Variants in B3GAT2 observed in about 807,000 individuals in gnomAD.
B3GAT2 encodes the protein galactosylgalactosylxylosylprotein 3-beta-glucuronosyltransferase 2.
Under a neutral mutation model 27.8 loss-of-function variants are expected in B3GAT2, and 26 were observed. The observed-to-expected ratio is 0.93, with a 90% CI of 0.68 to 1.30. The LOEUF (loss-of-function observed/expected upper bound fraction) is 1.30. Ranked by LOEUF, B3GAT2 falls within the 50% of genes most tolerant of loss-of-function variation. B3GAT2 has a pLI of 0.00. For missense variants in B3GAT2, 458 were observed against 459.0 expected (o/e 1.00, Z 0.02); for synonymous variants, 218 against 195.1 (o/e 1.12, Z -0.98).
At chr6:70,919,502 C>T (rs1443447558) in intron 1 of B3GAT2, among the ~76,000 whole-genome samples, 2 of 152,118 alleles carry the variant, frequency 1.3e-5, no homozygotes, top group Non-Finnish European at 2.9e-5. Flanking sequence ...GAATTTTCAG[C>T]CTTTCTTCTC....
chr6:70,874,952 T>C (rs942286132), intron 2 of B3GAT2, among the ~76,000 whole-genome samples: 24 of 151,740 alleles, frequency 1.6e-4, no homozygotes, highest in African/African-American at 5.8e-4. Context: ...GGGATGGAAA[T>C]AGGGCAAATT....
At chr6:70,913,487 T>G (rs1430542407) in intron 1 of B3GAT2, among the ~76,000 whole-genome samples, 1 of 152,218 alleles carries the variant, frequency 6.6e-6, no homozygotes, top group African/African-American at 2.4e-5. Flanking sequence ...AGCAGGTTGT[T>G]TGATTTGCAT....
Position 70,859,230 on chromosome 6 carries a change from C to CTAAG in B3GAT2, c.*2429_*2432dup, listed in dbSNP as rs1351384262. 1.3e-5 allele frequency: 10 copies of CTAAG among 748,220 alleles called. No homozygotes were observed. In the Admixed American group the frequency reaches 1.5e-4, roughly 11 times the overall value. The allele number at this position is 748,220 out of a possible 1,614,324, so 46.3% of individuals were successfully genotyped here. The stretch of plus-strand genomic sequence containing the variant: ...CTGGGAATCTAAAAAATTGTATGTG[C>CTAAG]TAAGTGTCAGTCACATGGTCAACAT... On this transcript the variant is annotated 3_prime_UTR_variant, in exon 4 of 4. Transcript: ENST00000230053.
intron 1 of B3GAT2, among the ~76,000 whole-genome samples, chr6:70,948,867 G>C (rs1030400631): frequency 1.3e-5 from 2 of 151,928 alleles, no homozygotes; most frequent in African/African-American, 4.8e-5. Flanking sequence ...CAGAGATATA[G>C]ATCAATGGAA....
intron 2 of B3GAT2, among the ~76,000 whole-genome samples, chr6:70,877,810 GT>G (rs1407742078): frequency 6.6e-6 from 1 of 152,172 alleles, no homozygotes; most frequent in Non-Finnish European, 1.5e-5. Flanking sequence ...TTCAGCTTGT[GT>G]TTCCATAAGC....
chr6:70,945,132 G>A (rs1351467479), intron 1 of B3GAT2, among the ~76,000 whole-genome samples: 3 of 152,098 alleles, frequency 2.0e-5, no homozygotes, highest in South Asian at 2.1e-4. Context: ...AAAAAACAGA[G>A]CAGAAAAACT....
At position 70,859,365 on chromosome 6, in the gene B3GAT2, A is replaced by C; in HGVS notation, c.*2298T>G. 1.9e-6 allele frequency: 3 copies of C among 1,549,580 alleles called. No individual in the cohort carries two copies. Among genetic ancestry groups the C allele is most frequent in the African/African-American group, 2.7e-5 (2 of 73,142 alleles). On this transcript the variant is annotated 3_prime_UTR_variant, in exon 4 of 4. Coordinates refer to ENST00000230053, the MANE Select transcript of B3GAT2 (RefSeq NM_080742.3). Reference sequence around the variant, plus strand: ...GGGTGATGCTGTTCTCCAGCACTCCATCAGTGCAATCTACTGGCCAATGAC... The same window carrying C: ...GGGTGATGCTGTTCTCCAGCACTCCCTCAGTGCAATCTACTGGCCAATGAC...
intron 1 of B3GAT2, among the ~76,000 whole-genome samples, chr6:70,906,464 C>A (rs1772604815): frequency 1.3e-5 from 2 of 151,818 alleles, no homozygotes; most frequent in Non-Finnish European, 2.9e-5. Context: ...CTCAGCCTCC[C>A]AGCTAGCTGG....
chr6:70,955,912 T>TGCTGGTGCCTCTGGC lies in B3GAT2; in HGVS notation c.503_517dup (p.Arg168_Gln172dup). ...GAGCACGCCGGGCTGCGCGCGCTGG[T>TGCTGGTGCCTCTGGC]GCTGGTGCCTCTGGCGCAGCCAGGC... On this transcript the variant is annotated inframe_insertion, in exon 1 of 4. Coordinates refer to ENST00000230053, the MANE Select transcript of B3GAT2 (RefSeq NM_080742.3). The TGCTGGTGCCTCTGGC allele has an allele frequency of 6.2e-7, 1 of 1,600,990 alleles. No individual in the cohort carries two copies. The highest frequency in any genetic ancestry group is 8.5e-7 in the Non-Finnish European group (1 of 1,175,114).
chr6:70,889,303 AGAGG>A (rs1389912825), intron 2 of B3GAT2, among the ~76,000 whole-genome samples: 44 of 152,278 alleles, frequency 2.9e-4, no homozygotes, highest in African/African-American at 1.0e-3. Flanking sequence ...CATTAAAGAA[AGAGG>A]AAAAAGCTGT....
Position 70,860,532 on chromosome 6 carries a change from T to C in B3GAT2, c.*1131A>G, listed in dbSNP as rs954683914. 1.4e-5 allele frequency: 7 copies of C among 509,666 alleles called. No homozygotes were observed. The African/African-American group carries it at 1.4e-4, about 10-fold the overall frequency. The allele number at this position is 509,666 out of a possible 1,614,324, so 31.6% of individuals were successfully genotyped here. ...AAGCAGGTTGATAAATCATTTTATG[T>C]CAAGGGCAGCTTTGCTCATATTTCC... On this transcript the variant is annotated 3_prime_UTR_variant, in exon 4 of 4. Transcript: ENST00000230053.
At chr6:70,874,467 C>G (rs2150024750) in intron 2 of B3GAT2, among the ~76,000 whole-genome samples, 1 of 152,302 alleles carries the variant, frequency 6.6e-6, no homozygotes, top group South Asian at 2.1e-4. Flanking sequence ...CTTGATTGCA[C>G]AGGGGCTCAC....
intron 1 of B3GAT2, 143 bp from the exon 2 acceptor site, chr6:70,894,415 G>T (rs549886179): frequency 4.5e-6 from 4 of 889,650 alleles, no homozygotes; most frequent in East Asian, 2.8e-5. Flanking sequence ...TCCTTCTGCT[G>T]CTAGAGTATG....
intron 1 of B3GAT2, among the ~76,000 whole-genome samples, chr6:70,909,617 A>G (rs1772657422): frequency 6.6e-6 from 1 of 152,240 alleles, no homozygotes; most frequent in Non-Finnish European, 1.5e-5. Context: ...AAGATGATGT[A>G]TGTAAAGTGC....
At chr6:70,871,164 T>A (rs954084587) in intron 2 of B3GAT2, among the ~76,000 whole-genome samples, 3 of 151,184 alleles carry the variant, frequency 2.0e-5, no homozygotes, top group South Asian at 2.1e-4. Context: ...ATTTTTTTTT[T>A]AAGGATTTTT....
Position 70,861,892 on chromosome 6 carries a change from C to A in B3GAT2, c.823G>T (p.Asp275Tyr). The change falls in exon 3 of 4, where the codon GAC (aspartate) becomes TAC (tyrosine). Residue 275 changes from aspartate (D) to tyrosine (Y), a missense_variant. Coordinates refer to ENST00000230053, the MANE Select transcript of B3GAT2 (RefSeq NM_080742.3). ...ACTGTTGTTATCTGTTTGAGAAAGT[C>A]AGATTCTTGCATCCCTGGCTGGGAT... ...RGSQPGMQESDFLKQITTVEE... is the reference protein window; with the variant it reads ...RGSQPGMQESYFLKQITTVEE... 6.2e-7 allele frequency: 1 copy of A among 1,613,928 alleles called. No individual in the cohort carries two copies. Among genetic ancestry groups the A allele is most frequent in the South Asian group, 1.1e-5 (1 of 91,068 alleles).
In B3GAT2 at chr6:70,956,675, C is replaced by T; in HGVS notation, c.-246G>A. The T allele has an allele frequency of 4.3e-6, 6 of 1,388,652 alleles. No individual in the cohort carries two copies. Among genetic ancestry groups the T allele is most frequent in the Non-Finnish European group, 4.6e-6 (5 of 1,075,382 alleles). 86.0% of individuals were successfully genotyped at this position (1,388,652 alleles called of 1,614,324 possible). On this transcript the variant is annotated 5_prime_UTR_variant, in exon 1 of 4. Transcript: ENST00000230053. ...GGCGGGCAGGGGCTGCCCCCGACTC[C>T]AGGTGAGCTGGCGGGAAGCGGGACT...
rs1771707186 is a variant in B3GAT2 at position 70,861,151 on chromosome 6, A to C, written c.*512T>G. Reference sequence around the variant, plus strand: ...TGACAAAATGTTATTTCCCTACATTAAACATGACTCCATAGACCTTTTCAT... The same window carrying C: ...TGACAAAATGTTATTTCCCTACATTCAACATGACTCCATAGACCTTTTCAT... On this transcript the variant is annotated 3_prime_UTR_variant, in exon 4 of 4. Coordinates refer to ENST00000230053, the MANE Select transcript of B3GAT2 (RefSeq NM_080742.3). 6.1e-6 allele frequency: 1 copy of C among 163,548 alleles called. No homozygotes were observed. Among genetic ancestry groups the C allele is most frequent in the Non-Finnish European group, 1.3e-5 (1 of 75,546 alleles). 10.1% of individuals were successfully genotyped at this position (163,548 alleles called of 1,614,324 possible). A position where few individuals can be genotyped will look rare whatever the true frequency, so the allele number is the denominator to read the frequency against.
chr6:70,926,368 A>T (rs1023443386), intron 1 of B3GAT2, among the ~76,000 whole-genome samples: 1 of 152,222 alleles, frequency 6.6e-6, no homozygotes, highest in Non-Finnish European at 1.5e-5. Flanking sequence ...TGGTAATAAC[A>T]AACTTCTCCG....
Sources: allele counts gnomAD v4.1 joint callset (sites outside exome capture counted in the v4.1 genomes callset), GRCh38; gene constraint gnomAD v4.1.1; transcripts MANE v1.5; gene names NCBI Gene and HGNC (gene_info 2026-07-23, HGNC 2026-07-21).